The following MOSMO variants were observed in gnomAD, a reference collection of about 807,000 sequenced individuals.
MOSMO encodes the protein modulator of smoothened protein.
MOSMO carries 5 observed loss-of-function variants against 18.4 expected under a neutral mutation model. That is an observed-to-expected ratio of 0.27 (90% CI 0.14 to 0.57). The LOEUF (loss-of-function observed/expected upper bound fraction) is 0.57, where lower values mean the gene tolerates loss of function less well. Ranked by LOEUF, MOSMO falls within the 20% of genes least tolerant of loss-of-function variation. The pLI is 0.92. For synonymous variants in MOSMO, 82 were observed against 82.3 expected (o/e 1.00, Z 0.02); for missense variants, 138 against 211.8 (o/e 0.65, Z 2.16).
chr16:22,008,754 A>G (rs1899450629), intron 1 of MOSMO, among the ~76,000 whole-genome samples: 1 of 151,952 alleles, frequency 6.6e-6, no homozygotes, highest in Non-Finnish European at 1.5e-5. Flanking sequence ...TTAAAAAAAA[A>G]AAAAAAAAAG....
chr16:22,072,857 T>A (rs1900885800), intron 1 of MOSMO, among the ~76,000 whole-genome samples: 1 of 152,128 alleles, frequency 6.6e-6, no homozygotes, highest in African/African-American at 2.4e-5. Context: ...GTATGCCTTC[T>A]GTTTGTCGAT....
chr16:22,056,830 GC>G (rs1315389268), intron 1 of MOSMO, among the ~76,000 whole-genome samples: 1 of 152,100 alleles, frequency 6.6e-6, no homozygotes, highest in Non-Finnish European at 1.5e-5. Context: ...CAGTTTGCTG[GC>G]CATGTTAAAA....
At chr16:22,025,881 C>G (rs1171628315) in intron 1 of MOSMO, among the ~76,000 whole-genome samples, 1 of 152,152 alleles carries the variant, frequency 6.6e-6, no homozygotes, top group East Asian at 1.9e-4. Context: ...TTTTAACCAT[C>G]CTGGTTTGTT....
At chr16:22,063,117 G>T (rs1199069757) in intron 1 of MOSMO, among the ~76,000 whole-genome samples, 1 of 152,188 alleles carries the variant, frequency 6.6e-6, no homozygotes, top group African/African-American at 2.4e-5. Flanking sequence ...GCCTCCCAAA[G>T]TGCTGGGATT....
chr16:22,086,778 T>C (rs1381420710), downstream of MOSMO, among the ~76,000 whole-genome samples: 3 of 152,232 alleles, frequency 2.0e-5, no homozygotes, highest in African/African-American at 7.2e-5. Flanking sequence ...AACTCTTGAA[T>C]GCAAAGAGTA....
chr16:22,050,106 A>T (rs1598013094), intron 1 of MOSMO, among the ~76,000 whole-genome samples: 1 of 152,200 alleles, frequency 6.6e-6, no homozygotes, highest in East Asian at 1.9e-4. Context: ...AGTGGAGTGA[A>T]TTGACTTGGA....
intron 1 of MOSMO, among the ~76,000 whole-genome samples, chr16:22,067,234 T>C (rs1900763645): frequency 6.6e-6 from 1 of 152,040 alleles, no homozygotes; most frequent in South Asian, 2.1e-4. Flanking sequence ...TGTGGGACAT[T>C]ATCAGGTATA....
rs941363828 is a variant in MOSMO, at chr16:22,015,867, A to T, written c.106+7460A>T. On this transcript the variant is annotated intron_variant, in intron 1 of 2. Coordinates refer to ENST00000542527, the MANE Select transcript of MOSMO (RefSeq NM_001164579.2). ...GGGGAATTTAGGATGAAGAACATGAACAGCAGGCATGAGTAAATGGAAATC... is the reference window on the plus strand; with the variant it reads ...GGGGAATTTAGGATGAAGAACATGATCAGCAGGCATGAGTAAATGGAAATC... Among the ~76,000 whole-genome samples, 3 of 152,226 alleles carry T rather than the reference A, an allele frequency of 2.0e-5. No homozygotes were observed. The East Asian group carries it at 5.8e-4, about 29-fold the overall frequency.
chr16:22,011,893 T>C (rs1899537213), intron 1 of MOSMO, among the ~76,000 whole-genome samples: 1 of 148,508 alleles, frequency 6.7e-6, no homozygotes, highest in African/African-American at 2.5e-5. Context: ...GCTTGTATGC[T>C]GTACAGTCTC....
intron 1 of MOSMO, 160 bp from the exon 2 acceptor site, chr16:22,075,327 G>A (rs768037234): frequency 1.8e-5 from 13 of 705,618 alleles, no homozygotes; most frequent in South Asian, 6.0e-5. Context: ...GTATTACTAC[G>A]TTATGAACTA....
rs1900686968 is a variant in MOSMO at position 22,063,323 on chromosome 16, G to A, written c.107-12164G>A. Among the ~76,000 whole-genome samples, 6 of 152,214 alleles carry A rather than the reference G, an allele frequency of 3.9e-5. No homozygotes were observed. The South Asian group carries it at 1.2e-3, about 32-fold the overall frequency. On this transcript the variant is annotated intron_variant, in intron 1 of 2. Coordinates refer to ENST00000542527, the MANE Select transcript of MOSMO (RefSeq NM_001164579.2). ...AGGAAGTACAATTTAGTAGAGAAAT[G>A]ATTTAAAGTTGTTTAATACCGGAAT...
At chr16:22,072,222 G>C (rs1441213207) in intron 1 of MOSMO, among the ~76,000 whole-genome samples, 1 of 152,158 alleles carries the variant, frequency 6.6e-6, no homozygotes, top group African/African-American at 2.4e-5. Flanking sequence ...TATTAAATTT[G>C]AAGGCCTGGT....
At chr16:22,019,676 C>T (rs539270477) in intron 1 of MOSMO, among the ~76,000 whole-genome samples, 1 of 152,112 alleles carries the variant, frequency 6.6e-6, no homozygotes, top group East Asian at 1.9e-4. Context: ...AGATTTTGAA[C>T]CTGGGCTAGG....
intron 1 of MOSMO, among the ~76,000 whole-genome samples, chr16:22,040,607 A>G (rs1047888958): frequency 6.6e-6 from 1 of 152,208 alleles, no homozygotes; most frequent in Non-Finnish European, 1.5e-5. Context: ...ACTGATGGGC[A>G]GTAAATATCT....
chr16:22,008,257 G>C lies in MOSMO; in HGVS notation c.-45G>C. ...CCCATGGGGCGGGAGGCGTGAGGCC[G>C]CTGCCTGTCCGGGGCTCGGGGGGTG... On this transcript the variant is annotated 5_prime_UTR_variant, in exon 1 of 3. Coordinates refer to ENST00000542527, the MANE Select transcript of MOSMO (RefSeq NM_001164579.2). 1 of 1,335,872 alleles carries C rather than the reference G, an allele frequency of 7.5e-7. No individual in the cohort carries two copies. Among genetic ancestry groups the C allele is most frequent in the Non-Finnish European group, 1.0e-6 (1 of 994,224 alleles). 82.8% of individuals were successfully genotyped at this position (1,335,872 alleles called of 1,614,324 possible).
chr16:22,046,828 C>T lies in MOSMO; in HGVS notation c.107-28659C>T, dbSNP rs184445041. ...ACTCAAATTTTTTTGCCACTCTACA[C>T]GTGGATTACGTCCTCAGATGACCAC... On this transcript the variant is annotated intron_variant, in intron 1 of 2. Coordinates refer to ENST00000542527, the MANE Select transcript of MOSMO (RefSeq NM_001164579.2). 6.6e-5 allele frequency among the ~76,000 whole-genome samples: 10 copies of T among 152,238 alleles called. No homozygotes were observed. The East Asian group carries it at 1.3e-3, about 21-fold the overall frequency.
In MOSMO at chr16:22,013,142, TC is replaced by T. The variant is rs1471562097; in HGVS notation, c.106+4736del. 2.6e-5 allele frequency among the ~76,000 whole-genome samples: 4 copies of T among 152,154 alleles called. No homozygotes were observed. The East Asian group carries it at 7.7e-4, about 29-fold the overall frequency. On this transcript the variant is annotated intron_variant, in intron 1 of 2. Coordinates refer to ENST00000542527, the MANE Select transcript of MOSMO (RefSeq NM_001164579.2). ...AATATCTTTGATTTTATATAATGCT[TC>T]ATAGTTTTTGAAGCACTTTGACATC...
chr16:22,035,064 A>G (rs1286981323), intron 1 of MOSMO, among the ~76,000 whole-genome samples: 1 of 152,030 alleles, frequency 6.6e-6, no homozygotes, highest in African/African-American at 2.4e-5. Context: ...TGAGATCTGC[A>G]GTTCTTTGAG....
intron 1 of MOSMO, among the ~76,000 whole-genome samples, chr16:22,033,639 C>T (rs936416879): frequency 1.3e-5 from 2 of 151,786 alleles, no homozygotes; most frequent in African/African-American, 4.8e-5. Flanking sequence ...AACCTTGAAA[C>T]CCCGTCTCTA....
Sources: allele counts gnomAD v4.1 joint callset (sites outside exome capture counted in the v4.1 genomes callset), GRCh38; gene constraint gnomAD v4.1.1; transcripts MANE v1.5; gene names NCBI Gene and HGNC (gene_info 2026-07-23, HGNC 2026-07-21).